The following CNTN4 variants were observed in gnomAD, a reference collection of about 807,000 sequenced individuals.
The protein encoded by CNTN4 is contactin-4.
CNTN4 carries 77 observed loss-of-function variants against 122.5 expected under a neutral mutation model. That is an observed-to-expected ratio of 0.63 (90% CI 0.52 to 0.76). The LOEUF (loss-of-function observed/expected upper bound fraction) is 0.76. CNTN4 is among the 30% of genes least tolerant of loss of function. CNTN4 has a pLI of 0.00. For missense variants in CNTN4, 1,256 were observed against 1,259.1 expected (o/e 1.00, Z 0.04); for synonymous variants, 512 against 447.0 (o/e 1.15, Z -1.83).
intron 3 of CNTN4, among the ~76,000 whole-genome samples, chr3:2,365,666 C>T (rs1014098700): frequency 2.0e-5 from 3 of 152,096 alleles, no homozygotes; most frequent in Non-Finnish European, 2.9e-5. Context: ...CTCCAAGTTG[C>T]CATCTGCCTC....
At chr3:2,851,944 C>G in intron 7 of CNTN4, among the ~76,000 whole-genome samples, 1 of 151,942 alleles carries the variant, frequency 6.6e-6, no homozygotes, top group Non-Finnish European at 1.5e-5. Context: ...AGATTTTTTC[C>G]TAGGATGCTT....
intron 6 of CNTN4, among the ~76,000 whole-genome samples, chr3:2,803,879 C>G (rs573232901): frequency 1.3e-5 from 2 of 151,824 alleles, no homozygotes; most frequent in Non-Finnish European, 2.9e-5. Flanking sequence ...TATGAAGAAC[C>G]GTTACCACAC....
chr3:2,649,773 A>G (rs1252520305), intron 4 of CNTN4, among the ~76,000 whole-genome samples: 1 of 151,954 alleles, frequency 6.6e-6, no homozygotes, highest in Non-Finnish European at 1.5e-5. Context: ...GACTTCTCTG[A>G]TGGATCTCGG....
chr3:2,482,572 A>G (rs568657033), intron 3 of CNTN4, among the ~76,000 whole-genome samples: 2 of 152,190 alleles, frequency 1.3e-5, no homozygotes, highest in East Asian at 1.9e-4. Flanking sequence ...AGGCCCTCCC[A>G]TGACAGGCCC....
intron 7 of CNTN4, among the ~76,000 whole-genome samples, chr3:2,850,197 C>T (rs1450339670): frequency 6.6e-6 from 1 of 152,036 alleles, no homozygotes; most frequent in Non-Finnish European, 1.5e-5. Flanking sequence ...ACCATGTTGG[C>T]CAGGCTGGTC....
intron 3 of CNTN4, among the ~76,000 whole-genome samples, chr3:2,561,222 A>G (rs2078938860): frequency 6.6e-6 from 1 of 152,132 alleles, no homozygotes; most frequent in Non-Finnish European, 1.5e-5. Context: ...TGCTGTCTGT[A>G]TGTGCAGCAT....
chr3:2,978,880 T>A (rs139541188), intron 13 of CNTN4, among the ~76,000 whole-genome samples: 1 of 152,208 alleles, frequency 6.6e-6, no homozygotes, highest in Non-Finnish European at 1.5e-5. Context: ...TACCGAAATA[T>A]AAGTTAGTCG....
At chr3:2,349,275 C>T (rs1176128276) in intron 3 of CNTN4, among the ~76,000 whole-genome samples, 3 of 151,962 alleles carry the variant, frequency 2.0e-5, no homozygotes, top group Non-Finnish European at 2.9e-5. Context: ...TGAAGCCAGC[C>T]TGCACTACTG....
chr3:2,947,708 A>G (rs548277784), intron 13 of CNTN4, among the ~76,000 whole-genome samples: 2 of 152,328 alleles, frequency 1.3e-5, no homozygotes, highest in African/African-American at 2.4e-5. Context: ...AGATTGTATT[A>G]AAATCTGAGT....
intron 3 of CNTN4, 23 bp from the exon 4 acceptor site, chr3:2,571,393 G>T (rs567675764): frequency 5.1e-6 from 4 of 787,620 alleles, no homozygotes; most frequent in African/African-American, 3.4e-5. Flanking sequence ...AAATCTCATT[G>T]TAATGTCTCT....
intron 2 of CNTN4, among the ~76,000 whole-genome samples, chr3:2,276,157 T>C (rs914966627): frequency 4.6e-5 from 7 of 151,878 alleles, no homozygotes; most frequent in African/African-American, 1.5e-4. Flanking sequence ...ATCTTTTTGC[T>C]TAATTAATTA....
At chr3:2,629,442 C>T (rs977932761) in intron 4 of CNTN4, 1 of 364,200 alleles carries the variant, frequency 2.7e-6, no homozygotes, top group Admixed American at 3.6e-5. Context: ...TCAATTTTCC[C>T]AAGTCCGGTG....
chr3:2,733,164 A>G (rs1374930177), intron 4 of CNTN4, among the ~76,000 whole-genome samples: 1 of 152,194 alleles, frequency 6.6e-6, no homozygotes, highest in Non-Finnish European at 1.5e-5. Flanking sequence ...AATAACTAGT[A>G]ATAGACTCTA....
At chr3:2,698,109 A>G (rs1255097716) in intron 4 of CNTN4, among the ~76,000 whole-genome samples, 2 of 152,228 alleles carry the variant, frequency 1.3e-5, no homozygotes, top group Non-Finnish European at 2.9e-5. Flanking sequence ...TGCAGTAACT[A>G]CTATAGTTGC....
intron 4 of CNTN4, among the ~76,000 whole-genome samples, chr3:2,681,512 G>A (rs746899573): frequency 8.5e-5 from 13 of 152,198 alleles, no homozygotes; most frequent in Non-Finnish European, 1.9e-4. Context: ...AAAACAAGTA[G>A]ATGCCACTCA....
chr3:3,051,246 C>T lies in CNTN4; in HGVS notation c.2812-2561C>T, dbSNP rs145499752. 3.6e-3 allele frequency among the ~76,000 whole-genome samples: 541 copies of T among 152,216 alleles called. 3 individuals carry two copies. The highest frequency in any genetic ancestry group is 0.013 in the African/African-American group (521 of 41,522). ...ATATTTGCTATTATCATTATTCCCA[C>T]AAATCCATTCTTTCCCCTTGTCTTC... On this transcript the variant is annotated intron_variant, in intron 23 of 24. Transcript: ENST00000418658.
At chr3:2,760,279 G>A (rs2090528568) in intron 6 of CNTN4, among the ~76,000 whole-genome samples, 1 of 152,052 alleles carries the variant, frequency 6.6e-6, no homozygotes. Context: ...TTACTCCTAT[G>A]TTTTCTTCTA....
chr3:2,753,398 A>G (rs115603875), intron 6 of CNTN4, among the ~76,000 whole-genome samples: 180 of 152,366 alleles, frequency 1.2e-3, no homozygotes, highest in Non-Finnish European at 1.5e-3. Context: ...TGAATACTCT[A>G]TGTTGGATAT....
intron 12 of CNTN4, 110 bp downstream of exon 12, chr3:2,903,115 C>T: frequency 1.8e-6 from 2 of 1,094,940 alleles, no homozygotes; most frequent in Non-Finnish European, 1.3e-6. Flanking sequence ...GTAAAGAAAT[C>T]TTTAGGCCAA....
Sources: gnomAD v4.1 joint callset for allele counts (sites outside exome capture counted in the v4.1 genomes callset) on GRCh38, gnomAD v4.1.1 for gene constraint, MANE v1.5 for transcripts, NCBI Gene and HGNC (gene_info 2026-07-23, HGNC 2026-07-21) for gene names.